ADAMTS8: variants seen among roughly 807,000 people sequenced by gnomAD.
ADAMTS8 encodes the protein ADAM metallopeptidase with thrombospondin type 1 motif 8, also known as A disintegrin and metalloproteinase with thrombospondin motifs 8.
A neutral mutation model predicts 64.4 loss-of-function variants in ADAMTS8; 50 were observed. The ratio of observed to expected loss-of-function variants is 0.78; its 90% CI spans 0.62 to 0.98. The LOEUF is 0.98. ADAMTS8 is among the 50% of genes least tolerant of loss of function. The pLI is 0.00. For missense variants in ADAMTS8, 1,192 were observed against 1,208.2 expected (o/e 0.99, Z 0.20); for synonymous variants, 556 against 533.6 (o/e 1.04, Z -0.58).
chr11:130,411,294 C>A lies in ADAMTS8; in HGVS notation c.1750+123G>T, dbSNP rs181563523. On this transcript the variant is annotated intron_variant, in intron 6 of 8. Coordinates refer to ENST00000257359, the MANE Select transcript of ADAMTS8 (RefSeq NM_007037.6). The surrounding 1 kb of genome is among the most constrained non-coding windows in gnomAD (Gnocchi z 4.2). Reference sequence around the variant, plus strand: ...ACATCCCAGGAGACCCAATTTACTCCCCTCTGGGAGTAACTCTATATCCCG... The same window carrying A: ...ACATCCCAGGAGACCCAATTTACTCACCTCTGGGAGTAACTCTATATCCCG... The A allele has an allele frequency of 5.0e-4, 618 of 1,233,806 alleles. No individual in the cohort carries two copies. Among genetic ancestry groups the A allele is most frequent in the Non-Finnish European group, 6.6e-4 (589 of 892,230 alleles). The allele number at this position is 1,233,806 out of a possible 1,614,324, so 76.4% of individuals were successfully genotyped here. A position where few individuals can be genotyped will look rare whatever the true frequency, so the allele number is the denominator to read the frequency against.
At chr11:130,407,850 G>A (rs778507434) in intron 8 of ADAMTS8, among the ~76,000 whole-genome samples, 1 of 152,134 alleles carries the variant, frequency 6.6e-6, no homozygotes, top group African/African-American at 2.4e-5. Context: ...AATAGTATTG[G>A]CCTTGCTCAC....
At chr11:130,406,765 GGA>G (rs1861890164) in intron 8 of ADAMTS8, among the ~76,000 whole-genome samples, 2 of 152,200 alleles carry the variant, frequency 1.3e-5, no homozygotes, top group African/African-American at 4.8e-5. Context: ...TGGAATGATA[GGA>G]AGCAGTTTTG....
chr11:130,408,119 G>A lies in ADAMTS8; in HGVS notation c.2099+345C>T, dbSNP rs1861906290. On this transcript the variant is annotated intron_variant, in intron 8 of 8. Coordinates refer to ENST00000257359, the MANE Select transcript of ADAMTS8 (RefSeq NM_007037.6). ...ACAGGCCTGGGAGAGCTGTTTTCTGGCAGAGGTCCAGGTTACTCAGTGTGG... is the reference window on the plus strand; with the variant it reads ...ACAGGCCTGGGAGAGCTGTTTTCTGACAGAGGTCCAGGTTACTCAGTGTGG... 2.0e-5 allele frequency among the ~76,000 whole-genome samples: 3 copies of A among 152,140 alleles called. No homozygotes were observed. The South Asian group carries it at 6.2e-4, about 32-fold the overall frequency.
intron 1 of ADAMTS8, among the ~76,000 whole-genome samples, chr11:130,424,563 A>C (rs886742398): frequency 6.6e-6 from 1 of 152,140 alleles, no homozygotes; most frequent in African/African-American, 2.4e-5. Flanking sequence ...CCTGATTACC[A>C]AGAGTAATCA....
Position 130,419,117 on chromosome 11 carries a change from C to G in ADAMTS8, c.896G>C (p.Arg299Pro), listed in dbSNP as rs200304717. The change falls in exon 2 of 9, where the codon CGT (arginine) becomes CCT (proline). Residue 299 changes from arginine (R) to proline (P), a missense_variant. Arg to Pro is a moderately radical substitution (Grantham distance 103, BLOSUM62 -2). Transcript: ENST00000257359. ...TLRNFCNWQR[R>P]FNQPSDRHPE... is the part of the protein sequence containing the mutation. ...GTGGCGGTCGCTGGGCTGGTTGAAA[C>G]GCCGCTGCCAGTTGCAGAAGTTACG... 19 of 1,614,096 alleles carry G rather than the reference C, an allele frequency of 1.2e-5. No individual in the cohort carries two copies. Among genetic ancestry groups the G allele is most frequent in the Admixed American group, 1.2e-4 (7 of 60,014 alleles).
At chr11:130,414,964 C>T (rs1174725802) in intron 4 of ADAMTS8, 132 bp from the exon 5 acceptor site, 8 of 971,348 alleles carry the variant, frequency 8.2e-6, no homozygotes, top group Non-Finnish European at 1.2e-5. Flanking sequence ...AAAGCTGTCA[C>T]CACTTGATGA....
Position 130,427,803 on chromosome 11 carries a change from G to T in ADAMTS8, c.484C>A (p.Pro162Thr). 1 of 1,573,220 alleles carries T rather than the reference G, an allele frequency of 6.4e-7. No individual in the cohort carries two copies. The highest frequency in any genetic ancestry group is 2.4e-5 in the East Asian group (1 of 42,328). Reference protein sequence around the residue: ...RWGPAGARPLPRGPEWEVETG... With the variant: ...RWGPAGARPLTRGPEWEVETG... ...TCCACCTCCCACTCGGGTCCTCGCG[G>T]GAGGGGGCGGGCTCCGGCGGGACCC... Residue 162 changes from proline to threonine, a missense_variant, in exon 1 of 9, where the codon CCG becomes ACG. Coordinates refer to ENST00000257359, the MANE Select transcript of ADAMTS8 (RefSeq NM_007037.6).
Position 130,416,936 on chromosome 11 carries a change from T to A in ADAMTS8, c.1096+4A>T, listed in dbSNP as rs1168168219. ...GAAGTGGGCTTTGGCACAGCAAATC[T>A]TACCTAGTTCATGGGCCAGGGTGTG... is the stretch of plus-strand genomic sequence containing the variant. On this transcript the variant is annotated splice_donor_region_variant and intron_variant, in intron 3 of 8. Coordinates refer to ENST00000257359, the MANE Select transcript of ADAMTS8 (RefSeq NM_007037.6). This position sits in a 1 kb window ranked among gnomAD's most constrained non-coding sequence, Gnocchi z 4.8. 3 of 1,614,098 alleles carry A rather than the reference T, an allele frequency of 1.9e-6. No individual in the cohort carries two copies. The highest frequency in any genetic ancestry group is 1.7e-6 in the Non-Finnish European group (2 of 1,179,998).
chr11:130,427,527 G>T, intron 1 of ADAMTS8, 40 bp downstream of exon 1: 2 of 1,523,676 alleles, frequency 1.3e-6, no homozygotes, highest in Non-Finnish European at 1.8e-6. Context: ...CGTCTGGGGG[G>T]CCTCCGGGCA....
In ADAMTS8 at chr11:130,406,032, G is replaced by T. The variant is rs762871505; in HGVS notation, c.2196C>A (p.Tyr732Ter). The T allele has an allele frequency of 6.2e-7, 1 of 1,614,194 alleles. No individual in the cohort carries two copies. Among genetic ancestry groups the T allele is most frequent in the Non-Finnish European group, 8.5e-7 (1 of 1,180,032 alleles). ...GCCCATCAGCCGTCTTCAGCGCCAG[G>T]TAGTTCCCATCGTTCTGCACACCCG... Reference protein sequence around the residue: ...SHPGVQNDGNYLALKTADGQY... With the variant: ...SHPGVQNDGN Residue 732 changes from tyrosine (Y) to a stop codon, truncating the protein, a stop_gained, in exon 9 of 9, where the codon TAC (tyrosine) becomes TAA (stop). Transcript: ENST00000257359. LOFTEE classifies it low-confidence loss of function (END_TRUNC).
Position 130,405,987 on chromosome 11 carries a change from G to A in ADAMTS8, c.2241C>T (p.Asn747=), listed in dbSNP as rs761163088. 6.2e-7 allele frequency: 1 copy of A among 1,614,204 alleles called. No homozygotes were observed. The highest frequency in any genetic ancestry group is 1.7e-5 in the Admixed American group (1 of 60,020). Residue 747 remains asparagine, a synonymous_variant, in exon 9 of 9, where the codon AAC becomes AAT. Transcript: ENST00000257359. ...TADGQYLLNG[N]LAISAIEQDI... ...CCTGCTCTATGGCAGAGATGGCCAG[G>A]TTGCCGTTGAGCAGGTACTGCCCAT...
chr11:130,423,352 G>A (rs1045853295), intron 1 of ADAMTS8, among the ~76,000 whole-genome samples: 5 of 152,188 alleles, frequency 3.3e-5, no homozygotes, highest in African/African-American at 9.7e-5. Flanking sequence ...AGGACATCAC[G>A]CACATATAAC....
At position 130,411,857 on chromosome 11, in the gene ADAMTS8, A is replaced by G; in HGVS notation, c.1567-257T>C. Reference sequence around the variant, plus strand: ...GTGCCTTATGCTTAGTAAGGTGCTCAATAGGCTATCTGCTGAATGAATGAA... The same window carrying G: ...GTGCCTTATGCTTAGTAAGGTGCTCGATAGGCTATCTGCTGAATGAATGAA... On this transcript the variant is annotated intron_variant, in intron 5 of 8. Coordinates refer to ENST00000257359, the MANE Select transcript of ADAMTS8 (RefSeq NM_007037.6). The surrounding 1 kb of genome is among the most constrained non-coding windows in gnomAD (Gnocchi z 4.2). 2.0e-6 allele frequency: 1 copy of G among 491,110 alleles called. No individual in the cohort carries two copies. Among genetic ancestry groups the G allele is most frequent in the Non-Finnish European group, 3.6e-6 (1 of 277,106 alleles). 30.4% of individuals were successfully genotyped at this position (491,110 alleles called of 1,614,324 possible). A position where few individuals can be genotyped will look rare whatever the true frequency, so the allele number is the denominator to read the frequency against.
chr11:130,421,404 A>G (rs576853932), intron 1 of ADAMTS8, among the ~76,000 whole-genome samples: 63 of 152,178 alleles, frequency 4.1e-4, no homozygotes, highest in Non-Finnish European at 7.1e-4. Context: ...TGTCTTCTCC[A>G]GACAGTGCAT....
rs748976144 is a variant in ADAMTS8 at position 130,408,898 on chromosome 11, T to C, written c.1793A>G (p.Tyr598Cys). Reference sequence around the variant, plus strand: ...ATTCCCGTCCATGTCAGTGTAATTGTAGGCATTATACTTCTCACACTGCTG... The same window carrying C: ...ATTCCCGTCCATGTCAGTGTAATTGCAGGCATTATACTTCTCACACTGCTG... ...REQQCEKYNAYNYTDMDGNLL... is the reference protein window; with the variant it reads ...REQQCEKYNACNYTDMDGNLL... Residue 598 changes from tyrosine (Y) to cysteine (C), a missense_variant, in exon 7 of 9, where the codon TAC becomes TGC. Transcript: ENST00000257359. 6.2e-7 allele frequency: 1 copy of C among 1,600,192 alleles called. No homozygotes were observed. Among genetic ancestry groups the C allele is most frequent in the Admixed American group, 1.7e-5 (1 of 58,350 alleles).
Position 130,408,563 on chromosome 11 carries a change from T to A in ADAMTS8, c.2000A>T (p.Asp667Val). The change falls in exon 8 of 9, where the codon GAC becomes GTC. Residue 667 changes from aspartate to valine, a missense_variant. Around this residue, in one of 5 missense-constraint regions of ADAMTS8, gnomAD observed 290 missense variants for 297.8 expected, o/e 0.97. Transcript: ENST00000257359. ...VRGQCVKAGC[D>V]HVVDSPRKLD... ...CTTCCGAGGCGAGTCCACCACATGG[T>A]CACAGCCGGCCTTGACACACTGGCC... is the stretch of plus-strand genomic sequence containing the variant. 6.2e-7 allele frequency: 1 copy of A among 1,614,152 alleles called. No individual in the cohort carries two copies. The highest frequency in any genetic ancestry group is 8.5e-7 in the Non-Finnish European group (1 of 1,180,032).
Position 130,428,475 on chromosome 11 carries a change from C to A in ADAMTS8, c.-189G>T. The A allele has an allele frequency of 2.0e-6, 2 of 999,584 alleles. No homozygotes were observed. Among genetic ancestry groups the A allele is most frequent in the Non-Finnish European group, 2.4e-6 (2 of 839,524 alleles). The allele number at this position is 999,584 out of a possible 1,614,324, so 61.9% of individuals were successfully genotyped here. On this transcript the variant is annotated 5_prime_UTR_variant, in exon 1 of 9. Coordinates refer to ENST00000257359, the MANE Select transcript of ADAMTS8 (RefSeq NM_007037.6). ...CCGGCGGCCCCTCTGGCTGGCGCAG[C>A]CCGCTCCTCCCGCGCCGCCGCCCCC... is the stretch of plus-strand genomic sequence containing the variant.
In ADAMTS8 at chr11:130,416,807, G is replaced by A. The variant is rs1427887652; in HGVS notation, c.1096+133C>T. ...CAAGCGCGGTATCTGTTTGTATACA[G>A]TCACCCTGTCAAAATTAGGAGGAGC... is the stretch of plus-strand genomic sequence containing the variant. On this transcript the variant is annotated intron_variant, in intron 3 of 8. Transcript: ENST00000257359. This position sits in a 1 kb window ranked among gnomAD's most constrained non-coding sequence, Gnocchi z 4.8. 17 of 1,406,974 alleles carry A rather than the reference G, an allele frequency of 1.2e-5. No individual in the cohort carries two copies. The highest frequency in any genetic ancestry group is 1.7e-5 in the Non-Finnish European group (17 of 1,018,536). 87.2% of individuals were successfully genotyped at this position (1,406,974 alleles called of 1,614,324 possible).
chr11:130,420,306 C>T (rs182285004), intron 1 of ADAMTS8, among the ~76,000 whole-genome samples: 17 of 152,322 alleles, frequency 1.1e-4, no homozygotes, highest in Non-Finnish European at 2.1e-4. Flanking sequence ...TGTCTTGTCC[C>T]TGGGCTGCCA....
Sources: allele counts gnomAD v4.1 joint callset (sites outside exome capture counted in the v4.1 genomes callset), GRCh38; gene constraint gnomAD v4.1.1; regional missense constraint gnomAD v4.1.1; non-coding constraint Gnocchi (gnomAD v3.1); transcripts MANE v1.5; gene names NCBI Gene and HGNC (gene_info 2026-07-23, HGNC 2026-07-21).